Variants in DPP10 observed in about 807,000 individuals in gnomAD.
DPP10 encodes inactive dipeptidyl peptidase 10.
In DPP10, 33 loss-of-function variants were observed where a neutral mutation model predicts 120.9. That is an observed-to-expected ratio of 0.27 (90% CI 0.21 to 0.37). DPP10 has a LOEUF of 0.37. Ranked by LOEUF, DPP10 falls within the 10% of genes least tolerant of loss-of-function variation. The probability of loss-of-function intolerance (pLI) is 1.00; values close to 1 mark genes in which losing one functional copy is unlikely to be tolerated. For missense variants in DPP10, 816 were observed against 942.8 expected (o/e 0.87, Z 1.76); for synonymous variants, 337 against 326.1 (o/e 1.03, Z -0.36).
At chr2:114,576,513 C>A (rs182328114) in intron 1 of DPP10, among the ~76,000 whole-genome samples, 186 of 152,338 alleles carry the variant, frequency 1.2e-3, no homozygotes, top group African/African-American at 4.2e-3. Flanking sequence ...CCCTATCTCT[C>A]TGTCTCTCTT....
At chr2:115,168,123 G>T (rs548266780) in intron 1 of DPP10, among the ~76,000 whole-genome samples, 20 of 151,850 alleles carry the variant, frequency 1.3e-4, no homozygotes, top group African/African-American at 4.8e-4. Context: ...TATGGGGAGG[G>T]GCATGGAATT....
At chr2:115,076,507 T>C (rs1445800592) in intron 1 of DPP10, among the ~76,000 whole-genome samples, 1 of 152,112 alleles carries the variant, frequency 6.6e-6, no homozygotes, top group Non-Finnish European at 1.5e-5. Context: ...ATAAATGTAT[T>C]CTGTACTTTT....
At chr2:115,642,747 T>A (rs992996521) in intron 5 of DPP10, among the ~76,000 whole-genome samples, 3 of 152,114 alleles carry the variant, frequency 2.0e-5, no homozygotes, top group Admixed American at 1.3e-4. Context: ...ATTATATATA[T>A]ATTTATACAC....
chr2:115,694,834 G>A (rs892584993), intron 7 of DPP10, among the ~76,000 whole-genome samples: 1 of 152,180 alleles, frequency 6.6e-6, no homozygotes, highest in African/African-American at 2.4e-5. Context: ...CAGCCCCATG[G>A]CAGGCAGCTG....
At chr2:115,034,085 C>T (rs1361186056) in intron 1 of DPP10, among the ~76,000 whole-genome samples, 5 of 151,110 alleles carry the variant, frequency 3.3e-5, no homozygotes, top group East Asian at 1.9e-4. Flanking sequence ...TTAATAGAGA[C>T]GGGGTTTCAC....
intron 1 of DPP10, among the ~76,000 whole-genome samples, chr2:115,194,440 A>G (rs2055111511): frequency 6.6e-6 from 1 of 152,058 alleles, no homozygotes; most frequent in Admixed American, 6.5e-5. Context: ...AGGATTTTTG[A>G]TAGGAAGGCT....
intron 1 of DPP10, among the ~76,000 whole-genome samples, chr2:115,262,927 G>T (rs527498248): frequency 6.6e-6 from 1 of 152,080 alleles, no homozygotes; most frequent in East Asian, 1.9e-4. Context: ...CATGGTACTT[G>T]CAGTGGAAGA....
intron 3 of DPP10, among the ~76,000 whole-genome samples, chr2:115,406,408 C>T (rs1160883555): frequency 1.3e-5 from 2 of 151,948 alleles, no homozygotes; most frequent in Non-Finnish European, 2.9e-5. Flanking sequence ...TTATATTATC[C>T]TTAATGCTCC....
chr2:114,917,014 A>G (rs1268177921), intron 1 of DPP10, among the ~76,000 whole-genome samples: 1 of 152,246 alleles, frequency 6.6e-6, no homozygotes, highest in Admixed American at 6.5e-5. Flanking sequence ...GAATAGGAAG[A>G]GACGAAGTCA....
At chr2:114,488,921 A>T (rs905457178) in intron 1 of DPP10, among the ~76,000 whole-genome samples, 1 of 152,218 alleles carries the variant, frequency 6.6e-6, no homozygotes, top group African/African-American at 2.4e-5. Flanking sequence ...CATGCTAAGT[A>T]ATTTTAAATC....
At chr2:114,857,062 T>G (rs1186981162) in intron 1 of DPP10, among the ~76,000 whole-genome samples, 2 of 152,162 alleles carry the variant, frequency 1.3e-5, no homozygotes, top group Admixed American at 1.3e-4. Context: ...AGGTAACAGT[T>G]CAGATCTCCC....
At chr2:114,563,248 T>G (rs1008156916) in intron 1 of DPP10, among the ~76,000 whole-genome samples, 1 of 152,092 alleles carries the variant, frequency 6.6e-6, no homozygotes, top group Non-Finnish European at 1.5e-5. Flanking sequence ...GGCCGGCACC[T>G]GTAGTCCTAG....
At chr2:114,460,204 T>A (rs2104563526) in intron 1 of DPP10, among the ~76,000 whole-genome samples, 1 of 152,070 alleles carries the variant, frequency 6.6e-6, no homozygotes, top group Admixed American at 6.6e-5. Flanking sequence ...TATCTATCTA[T>A]CTATCTATCT....
At chr2:115,042,008 C>CTTTTTTTTTTTTTTTT (rs5833573) in intron 1 of DPP10, among the ~76,000 whole-genome samples, 2 of 80,336 alleles carry the variant, frequency 2.5e-5, no homozygotes, top group Admixed American at 1.5e-4. Context: ...TCTATCTTAT[C>CTTTTTTTTTTTTTTTT]TTTTTTTTTT....
intron 1 of DPP10, among the ~76,000 whole-genome samples, chr2:114,448,147 C>T (rs1461438154): frequency 6.6e-6 from 1 of 151,938 alleles, no homozygotes; most frequent in African/African-American, 2.4e-5. Context: ...TAATAATTGG[C>T]CAGCTTTACA....
intron 1 of DPP10, among the ~76,000 whole-genome samples, chr2:115,300,997 C>T (rs761225002): frequency 4.6e-5 from 7 of 151,898 alleles, no homozygotes; most frequent in Non-Finnish European, 8.8e-5. Context: ...CTAAATAGCC[C>T]GGTATGAAAG....
chr2:115,284,875 A>G (rs1433950093), intron 1 of DPP10, among the ~76,000 whole-genome samples: 1 of 151,998 alleles, frequency 6.6e-6, no homozygotes, highest in African/African-American at 2.4e-5. Flanking sequence ...AGAACTTATC[A>G]TTCTTCAAAA....
chr2:114,748,341 T>TTA (rs72188577), intron 1 of DPP10, among the ~76,000 whole-genome samples: 2 of 131,350 alleles, frequency 1.5e-5, no homozygotes, highest in Admixed American at 7.7e-5. Flanking sequence ...GAATTTTCTT[T>TTA]TTTTTTTTTA....
chr2:114,794,710 C>A (rs1683549224), intron 1 of DPP10, among the ~76,000 whole-genome samples: 1 of 152,182 alleles, frequency 6.6e-6, no homozygotes, highest in Admixed American at 6.5e-5. Context: ...CAATTCTATG[C>A]CATTGGTTGA....
Sources: allele counts gnomAD v4.1 joint callset (sites outside exome capture counted in the v4.1 genomes callset), GRCh38; gene constraint gnomAD v4.1.1; transcripts MANE v1.5; gene names NCBI Gene and HGNC (gene_info 2026-07-23, HGNC 2026-07-21).